Variants in THAP9 observed in about 807,000 individuals in gnomAD.
THAP9 encodes DNA transposase THAP9.
Under a neutral mutation model 35.7 loss-of-function variants are expected in THAP9, and 20 were observed. The observed-to-expected ratio is 0.56, with a 90% CI of 0.39 to 0.81. The LOEUF is 0.81. THAP9 is among the 40% of genes least tolerant of loss of function. The pLI is 0.00. For synonymous variants in THAP9, 335 were observed against 373.7 expected, an observed-to-expected ratio of 0.90 and a Z score of 1.19; for missense variants, 870 against 1,047.4, an observed-to-expected ratio of 0.83 and a Z score of 2.34.
chr4:82,916,384 CTT>C (rs1003203640), intron 4 of THAP9, among the ~76,000 whole-genome samples: 16 of 152,150 alleles, frequency 1.1e-4, no homozygotes, highest in African/African-American at 3.4e-4. Context: ...CAGATGCACA[CTT>C]GTTATATGCC....
At chr4:82,908,768 G>C (rs1478572582) in intron 4 of THAP9, among the ~76,000 whole-genome samples, 1 of 151,978 alleles carries the variant, frequency 6.6e-6, no homozygotes, top group Non-Finnish European at 1.5e-5. Flanking sequence ...CTACTATTTT[G>C]TATTTTTAGT....
intron 4 of THAP9, among the ~76,000 whole-genome samples, chr4:82,912,656 G>A (rs1720904013): frequency 6.6e-6 from 1 of 152,210 alleles, no homozygotes; most frequent in African/African-American, 2.4e-5. Flanking sequence ...ATGTGCAGCT[G>A]AAATCCTAAA....
Position 82,918,497 on chromosome 4 carries a change from A to C in THAP9, c.2285A>C (p.His762Pro), listed in dbSNP as rs775911812. Residue 762 changes from histidine to proline, a missense_variant, in exon 5 of 5, where the codon CAT becomes CCT. Coordinates refer to ENST00000302236, the MANE Select transcript of THAP9 (RefSeq NM_024672.6). ...LLFVKKKNGLHFPSESLCRVI... is the reference protein window; with the variant it reads ...LLFVKKKNGLPFPSESLCRVI... ...TTTGTTAAAAAGAAGAATGGTTTGC[A>C]TTTTCCTTCAGAAAGTCTGTGTCGG... 14 of 1,614,040 alleles carry C rather than the reference A, an allele frequency of 8.7e-6. No homozygotes were observed. The highest frequency in any genetic ancestry group is 1.2e-5 in the Non-Finnish European group (14 of 1,180,004).
intron 4 of THAP9, chr4:82,913,269 T>TAG (rs1304621457): frequency 6.6e-6 from 1 of 152,210 alleles, no homozygotes. Flanking sequence ...CTAGTAGCTG[T>TAG]AGATATTCAG....
chr4:82,901,056 TTCTC>T (rs1560689824), intron 1 of THAP9, 174 bp downstream of exon 1: 5 of 784,746 alleles, frequency 6.4e-6, no homozygotes, highest in African/African-American at 1.7e-5. Flanking sequence ...AGAATTGAGA[TTCTC>T]TCTCTTCCCG....
chr4:82,914,468 G>A (rs1720975154), intron 4 of THAP9, among the ~76,000 whole-genome samples: 2 of 152,254 alleles, frequency 1.3e-5, no homozygotes, highest in South Asian at 4.1e-4. Context: ...CCATTTCTCC[G>A]CAATTTTGCC....
At chr4:82,901,042 T>A in intron 1 of THAP9, 160 bp downstream of exon 1, 1 of 850,902 alleles carries the variant, frequency 1.2e-6, no homozygotes, top group Non-Finnish European at 1.9e-6. Flanking sequence ...ATTGGGGCAC[T>A]GTGAGAATTG....
At chr4:82,916,842 A>G (rs183835531) in intron 4 of THAP9, 102 bp from the exon 5 acceptor site, 1 of 1,025,830 alleles carries the variant, frequency 9.7e-7, no homozygotes, top group East Asian at 2.7e-5. Flanking sequence ...ACTTGGCTTT[A>G]TTTCTACAGG....
Position 82,917,469 on chromosome 4 carries a change from A to G in THAP9, c.1257A>G (p.Leu419=). 6.2e-7 allele frequency: 1 copy of G among 1,613,898 alleles called. No individual in the cohort carries two copies. Among genetic ancestry groups the G allele is most frequent in the East Asian group, 2.2e-5 (1 of 44,882 alleles). The change falls in exon 5 of 5, where the codon CTA becomes CTG. Residue 419 remains leucine, a synonymous_variant. Transcript: ENST00000302236. ...IAYFFDSCHL[L]RLIRNAFQNF... Reference sequence around the variant, plus strand: ...ACTTCTTTGACTCTTGCCACTTGCTAAGATTAATAAGAAATGCATTTCAGA... The same window carrying G: ...ACTTCTTTGACTCTTGCCACTTGCTGAGATTAATAAGAAATGCATTTCAGA...
At chr4:82,905,804 A>T in intron 2 of THAP9, 1 of 453,134 alleles carries the variant, frequency 2.2e-6, no homozygotes, top group Non-Finnish European at 4.4e-6. Flanking sequence ...GGAGATTTAC[A>T]TAAATTCTTA....
At chr4:82,902,273 T>C (rs1265735876) in intron 1 of THAP9, among the ~76,000 whole-genome samples, 1 of 151,628 alleles carries the variant, frequency 6.6e-6, no homozygotes, top group African/African-American at 2.4e-5. Context: ...CTTTTTTTTT[T>C]TTTTGGTAGA....
rs200353864 is a variant in THAP9 at position 82,918,600 on chromosome 4, A to T, written c.2388A>T (p.Glu796Asp). 1 of 1,614,120 alleles carries T rather than the reference A, an allele frequency of 6.2e-7. No individual in the cohort carries two copies. Among genetic ancestry groups the T allele is most frequent in the Non-Finnish European group, 8.5e-7 (1 of 1,179,956 alleles). Reference sequence around the variant, plus strand: ...TTGAACTAGTTTCTAAACAAAGGGAATTGTATCTTCAACAGAAAATATTAT... The same window carrying T: ...TTGAACTAGTTTCTAAACAAAGGGATTTGTATCTTCAACAGAAAATATTAT... ...AIFELVSKQR[E>D]LYLQQKILCE... Residue 796 changes from glutamate (E) to aspartate (D), a missense_variant, in exon 5 of 5, where the codon GAA (glutamate) becomes GAT (aspartate). Glu to Asp is a conservative substitution (Grantham distance 45). Coordinates refer to ENST00000302236, the MANE Select transcript of THAP9 (RefSeq NM_024672.6).
At chr4:82,906,926 T>TA (rs1720670586) in intron 3 of THAP9, among the ~76,000 whole-genome samples, 1 of 152,172 alleles carries the variant, frequency 6.6e-6, no homozygotes. Flanking sequence ...GTTCTGCACT[T>TA]ATCACTTTTT....
intron 4 of THAP9, among the ~76,000 whole-genome samples, chr4:82,912,810 A>T (rs1002511917): frequency 6.6e-6 from 1 of 152,204 alleles, no homozygotes; most frequent in Non-Finnish European, 1.5e-5. Flanking sequence ...TAAAAATTTG[A>T]AATTATCAAG....
At chr4:82,901,791 T>G (rs1720405634) in intron 1 of THAP9, among the ~76,000 whole-genome samples, 1 of 152,122 alleles carries the variant, frequency 6.6e-6, no homozygotes, top group Non-Finnish European at 1.5e-5. Flanking sequence ...ACCAACTCAT[T>G]GTGTATGTGA....
At position 82,918,096 on chromosome 4, in the gene THAP9, CCCT is replaced by C. The variant is rs774368705; in HGVS notation, c.1885_1887del (p.Pro629del). The stretch of plus-strand genomic sequence containing the variant: ...GGCAGGTATTAGTAACAAGTTCTAG[CCCT>C]ACCTGCATGGCATTCCAGAAAGCTT... On this transcript the variant is annotated inframe_deletion, in exon 5 of 5. Transcript: ENST00000302236. 2.7e-5 allele frequency: 44 copies of C among 1,613,946 alleles called. No individual in the cohort carries two copies. In the East Asian group the frequency reaches 9.8e-4, roughly 36 times the overall value.
chr4:82,914,584 G>T (rs1720978342), intron 4 of THAP9, among the ~76,000 whole-genome samples: 1 of 152,128 alleles, frequency 6.6e-6, no homozygotes, highest in African/African-American at 2.4e-5. Context: ...TGGTGATGTT[G>T]AGCTTTTTTT....
At chr4:82,911,589 G>A (rs148714398) in intron 4 of THAP9, among the ~76,000 whole-genome samples, 2,082 of 151,814 alleles carry the variant, frequency 0.014, 44 homozygotes, top group African/African-American at 0.047. Context: ...GCGAGATTCC[G>A]TCTCAGAAAA....
rs555747897 is a variant in THAP9, at chr4:82,912,917, GT to G, written c.732-4026del. On this transcript the variant is annotated intron_variant, in intron 4 of 4. Transcript: ENST00000302236. ...GCTGTAGGTTGATACTTAAGGGCGT[GT>G]AAAAATATGTGAAACATTAATTACC... Among the ~76,000 whole-genome samples, 12 of 152,282 alleles carry G rather than the reference GT, an allele frequency of 7.9e-5. No homozygotes were observed. The South Asian group carries it at 2.5e-3, about 32-fold the overall frequency.
Sources: allele counts gnomAD v4.1 joint callset (sites outside exome capture counted in the v4.1 genomes callset), GRCh38; gene constraint gnomAD v4.1.1; transcripts MANE v1.5; gene names NCBI Gene and HGNC (gene_info 2026-07-23, HGNC 2026-07-21).